MYH15: variants seen among roughly 807,000 people sequenced by gnomAD.
MYH15 encodes the protein myosin heavy chain 15, also known as myosin-15.
MYH15 carries 227 observed loss-of-function variants against 240.5 expected under a neutral mutation model. That is an observed-to-expected ratio of 0.94 (90% CI 0.85 to 1.05). MYH15 has a LOEUF of 1.05. Among genes scored for constraint, MYH15 ranks in the 50% least tolerant of loss-of-function variants. MYH15 has a pLI of 0.00. For missense variants in MYH15, 2,217 were observed against 2,247.5 expected (o/e 0.99, Z 0.27); for synonymous variants, 785 against 796.7 (o/e 0.99, Z 0.25).
Position 108,384,687 on chromosome 3 carries a change from C to T in MYH15, c.5631G>A (p.Ala1877=), listed in dbSNP as rs201882141. The T allele has an allele frequency of 6.8e-5, 109 of 1,612,776 alleles. No individual in the cohort carries two copies. The highest frequency in any genetic ancestry group is 8.5e-5 in the Non-Finnish European group (100 of 1,179,202). The part of the protein sequence containing the change: ...VQNYKQQVEV[A]ETQANQYLSK... ...GGCTGAAACTTCCCCAGGCACTCAC[C>T]GCCACCTCGACTTGCTGCTTGTAAT... The change falls in exon 39 of 41, where the codon GCG becomes GCA. Residue 1877 remains alanine, a splice_region_variant and synonymous_variant. Coordinates refer to ENST00000693548, the MANE Select transcript of MYH15 (RefSeq NM_014981.3).
the MYH15 span, among the ~76,000 whole-genome samples, chr3:108,548,711 G>T: frequency 3.9e-4 from 60 of 152,080 alleles, no homozygotes; most frequent in East Asian, 1.9e-4. Context: ...GGCAGGAAAA[G>T]AATCAAATTA....
intron 14 of MYH15, among the ~76,000 whole-genome samples, chr3:108,465,289 G>T (rs1331649254): frequency 6.6e-6 from 1 of 152,176 alleles, no homozygotes; most frequent in Admixed American, 6.5e-5. Context: ...GCAGAAAAAT[G>T]AAGAATGCAA....
At chr3:108,442,442 G>A (rs746782433) in intron 22 of MYH15, among the ~76,000 whole-genome samples, 43 of 152,176 alleles carry the variant, frequency 2.8e-4, no homozygotes, top group Non-Finnish European at 5.1e-4. Flanking sequence ...GCAAATCAGA[G>A]AAGCTTCCAA....
At chr3:108,539,559 G>C in the MYH15 span, among the ~76,000 whole-genome samples, 2 of 152,110 alleles carry the variant, frequency 1.3e-5, no homozygotes, top group South Asian at 4.2e-4. Flanking sequence ...ATAAACTTCT[G>C]GCTGATTTAA....
chr3:108,420,213 T>C (rs1044102879), intron 28 of MYH15, among the ~76,000 whole-genome samples: 12 of 152,246 alleles, frequency 7.9e-5, no homozygotes, highest in Non-Finnish European at 1.5e-5. Context: ...CAAATGTTTA[T>C]GGAGGATCAA....
chr3:108,478,383 C>CA (rs1217077984), intron 11 of MYH15, among the ~76,000 whole-genome samples: 1 of 152,118 alleles, frequency 6.6e-6, no homozygotes, highest in Non-Finnish European at 1.5e-5. Flanking sequence ...CCTTTCAAAA[C>CA]ACAAAGCCTA....
intron 1 of MYH15, among the ~76,000 whole-genome samples, chr3:108,509,094 G>A (rs759718479): frequency 6.6e-6 from 1 of 151,994 alleles, no homozygotes; most frequent in African/African-American, 2.4e-5. Context: ...CTAAATACTC[G>A]TCATCACACT....
rs750816941 is a variant in MYH15 at position 108,485,101 on chromosome 3, A to G, written c.1104T>C (p.Asp368=). 1 of 1,614,048 alleles carries G rather than the reference A, an allele frequency of 6.2e-7. No homozygotes were observed. The highest frequency in any genetic ancestry group is 1.7e-5 in the Admixed American group (1 of 60,012). Residue 368 remains aspartate (D), a synonymous_variant, in exon 11 of 41, where the codon GAT becomes GAC. Coordinates refer to ENST00000693548, the MANE Select transcript of MYH15 (RefSeq NM_014981.3). ...QKPREEQLEA[D]GTENADKAAF... Reference sequence around the variant, plus strand: ...CAAAGTAATTCTTACTTTCTGTGCCATCTGCTTCCAGTTGCTCTTCTCTAG... The same window carrying G: ...CAAAGTAATTCTTACTTTCTGTGCCGTCTGCTTCCAGTTGCTCTTCTCTAG...
At position 108,485,623 on chromosome 3, in the gene MYH15, C is replaced by G. The variant is rs545065461; in HGVS notation, c.976-394G>C. On this transcript the variant is annotated intron_variant, in intron 10 of 40. Transcript: ENST00000693548. ...TGATCCCACAGGTTCTGACTTTATT[C>G]CAGAGGAGACACATTTCAAAGACTG... is the stretch of plus-strand genomic sequence containing the variant. Among the ~76,000 whole-genome samples the G allele has an allele frequency of 3.9e-5, 6 of 152,208 alleles. No individual in the cohort carries two copies. In the South Asian group the frequency reaches 1.2e-3, roughly 32 times the overall value.
intron 3 of MYH15, among the ~76,000 whole-genome samples, chr3:108,501,311 C>T (rs983309306): frequency 6.6e-6 from 1 of 152,208 alleles, no homozygotes; most frequent in Admixed American, 6.5e-5. Flanking sequence ...TCATTAATCA[C>T]TAACTAGGTG....
chr3:108,470,523 T>C (rs2083163418), intron 13 of MYH15, among the ~76,000 whole-genome samples, 175 bp downstream of exon 13: 1 of 152,156 alleles, frequency 6.6e-6, no homozygotes, highest in Admixed American at 6.6e-5. Flanking sequence ...TTAATACCAT[T>C]AAGTATAACA....
At position 108,470,804 on chromosome 3, in the gene MYH15, C is replaced by T; in HGVS notation, c.1277G>A (p.Arg426Lys). 1.2e-6 allele frequency: 2 copies of T among 1,613,848 alleles called. No homozygotes were observed. Among genetic ancestry groups the T allele is most frequent in the South Asian group, 2.2e-5 (2 of 91,062 alleles). Reference sequence around the variant, plus strand: ...CCGTGCCACTAGCCACTTAAACATCCTTTCATACATTGACTTGGACAGGGC... The same window carrying T: ...CCGTGCCACTAGCCACTTAAACATCTTTTCATACATTGACTTGGACAGGGC... Reference protein sequence around the residue: ...VGALSKSMYERMFKWLVARIN... With the variant: ...VGALSKSMYEKMFKWLVARIN... Residue 426 changes from arginine to lysine, a missense_variant, in exon 13 of 41, where the codon AGG (arginine) becomes AAG (lysine). Physicochemically the swap from Arg to Lys is conservative, Grantham distance 26. Transcript: ENST00000693548.
chr3:108,398,979 C>T lies in MYH15; in HGVS notation c.4929+96G>A, dbSNP rs543311611. On this transcript the variant is annotated intron_variant, in intron 34 of 40. Transcript: ENST00000693548. The stretch of plus-strand genomic sequence containing the variant: ...CTGGAAAGATTAGATTTGTTGTCCT[C>T]ATCTTTACTGCTGAACACAATCTGT... 4 of 1,471,198 alleles carry T rather than the reference C, an allele frequency of 2.7e-6. No homozygotes were observed. In the African/African-American group the frequency reaches 4.2e-5, roughly 15 times the overall value. 91.1% of individuals were successfully genotyped at this position (1,471,198 alleles called of 1,614,324 possible). A position where few individuals can be genotyped will look rare whatever the true frequency, so the allele number is the denominator to read the frequency against.
At chr3:108,479,424 C>G (rs143033056) in intron 11 of MYH15, among the ~76,000 whole-genome samples, 2 of 152,132 alleles carry the variant, frequency 1.3e-5, no homozygotes, top group Admixed American at 1.3e-4. Context: ...GGGGCTGGGC[C>G]GCTCTAGTTT....
At chr3:108,515,264 G>A (rs940381011), upstream of MYH15, among the ~76,000 whole-genome samples, 1 of 152,184 alleles carries the variant, frequency 6.6e-6, no homozygotes, top group African/African-American at 2.4e-5. Context: ...TGAATGGAGT[G>A]ATGCAAACTT....
rs1205578917 is a variant in MYH15, at chr3:108,428,483, AG to A, written c.3702+8del. ...CAGAAGACCACGAGGATGGCATGGG[AG>A]TATCTACCTTAGCTCTTGTCATCTG... On this transcript the variant is annotated splice_region_variant and intron_variant, in intron 27 of 40. Coordinates refer to ENST00000693548, the MANE Select transcript of MYH15 (RefSeq NM_014981.3). 1 of 1,597,526 alleles carries A rather than the reference AG, an allele frequency of 6.3e-7. No homozygotes were observed.
At chr3:108,436,364 C>G (rs1251160058) in intron 25 of MYH15, among the ~76,000 whole-genome samples, 1 of 152,180 alleles carries the variant, frequency 6.6e-6, no homozygotes, top group South Asian at 2.1e-4. Flanking sequence ...CTTGTTTCAT[C>G]GTTTCTAAAC....
At chr3:108,393,961 GC>G in intron 36 of MYH15, 69 bp downstream of exon 36, 1 of 1,604,252 alleles carries the variant, frequency 6.2e-7, no homozygotes, top group Non-Finnish European at 8.5e-7. Flanking sequence ...TGCAGATGTG[GC>G]CCTGCCCCTT....
intron 37 of MYH15, among the ~76,000 whole-genome samples, chr3:108,390,282 T>C (rs1041452582): frequency 2.0e-5 from 3 of 152,184 alleles, no homozygotes; most frequent in Non-Finnish European, 4.4e-5. Context: ...GGTATCATGG[T>C]TGTGTCTTTA....
Sources: gnomAD v4.1 joint callset for allele counts (sites outside exome capture counted in the v4.1 genomes callset) on GRCh38, gnomAD v4.1.1 for gene constraint, MANE v1.5 for transcripts, NCBI Gene and HGNC (gene_info 2026-07-23, HGNC 2026-07-21) for gene names.